Variants in SLC18A3 observed in about 807,000 individuals in gnomAD.
The protein encoded by SLC18A3 is vesicular acetylcholine transporter.
SLC18A3 carries 18 observed loss-of-function variants against 24.2 expected under a neutral mutation model. The ratio of observed to expected loss-of-function variants is 0.74; its 90% CI spans 0.51 to 1.10. SLC18A3 has a LOEUF of 1.10. Among genes scored for constraint, SLC18A3 ranks in the 50% least tolerant of loss-of-function variants. The probability of loss-of-function intolerance (pLI) is 0.00; values close to 1 mark genes in which losing one functional copy is unlikely to be tolerated. For synonymous variants in SLC18A3, 415 were observed against 355.4 expected (o/e 1.17, Z -1.89); for missense variants, 744 against 750.7 (o/e 0.99, Z 0.10).
At position 49,610,806 on chromosome 10, in the gene SLC18A3, C is replaced by G. The variant is rs1326749783; in HGVS notation, c.66C>G (p.Gly22=). Residue 22 remains glycine (G), a synonymous_variant, in exon 1 of 1, where the codon GGC becomes GGG. Coordinates refer to ENST00000374115, the MANE Select transcript of SLC18A3 (RefSeq NM_003055.3). ...AAATKLSEAV[G]AALQEPRRQR... is the part of the protein sequence containing the mutation. The stretch of plus-strand genomic sequence containing the variant: ...CCACCAAGCTGTCGGAGGCTGTGGG[C>G]GCGGCGCTGCAGGAGCCCCGGCGGC... 2 of 1,593,816 alleles carry G rather than the reference C, an allele frequency of 1.3e-6. No homozygotes were observed. The highest frequency in any genetic ancestry group is 2.3e-5 in the South Asian group (2 of 88,408).
At position 49,610,609 on chromosome 10, in the gene SLC18A3, C is replaced by G. The variant is rs1013910708; in HGVS notation, c.-132C>G. 2 of 864,606 alleles carry G rather than the reference C, an allele frequency of 2.3e-6. No individual in the cohort carries two copies. Among genetic ancestry groups the G allele is most frequent in the Admixed American group, 3.5e-5 (1 of 28,372 alleles). 53.6% of individuals were successfully genotyped at this position (864,606 alleles called of 1,614,324 possible). On this transcript the variant is annotated 5_prime_UTR_variant, in exon 1 of 1. Transcript: ENST00000374115. ...GGACGCTGGGCCATGAGCTCCGCGG[C>G]CACCTGAGGCACAGGGGAGTCTGCT...
rs8187729 is a variant in SLC18A3, at chr10:49,611,667, A to G, written c.927A>G (p.Glu309=). The change falls in exon 1 of 1, where the codon GAA becomes GAG. Residue 309 remains glutamate (E), a synonymous_variant. Transcript: ENST00000374115. ...GTAACATTCCCCTCGCCTTCCTCGA[A>G]CCCACCATTGCCACGTGGATGAAGC... is the stretch of plus-strand genomic sequence containing the variant. ...TTCNIPLAFL[E]PTIATWMKHT... is the part of the protein sequence containing the mutation. 910 of 1,611,448 alleles carry G rather than the reference A, an allele frequency of 5.6e-4. 3 individuals are homozygous for G. The African/African-American group carries it at 0.011, about 20-fold the overall frequency.
At position 49,612,289 on chromosome 10, in the gene SLC18A3, C is replaced by A; in HGVS notation, c.1549C>A (p.Pro517Thr). ...QDGEPRSPPGPFDACEDDYNY... is the reference protein window; with the variant it reads ...QDGEPRSPPGTFDACEDDYNY... ...CGGCGAGCCTCGCAGCCCGCCTGGC[C>A]CTTTTGATGCGTGCGAGGACGACTA... is the stretch of plus-strand genomic sequence containing the variant. The change falls in exon 1 of 1, where the codon CCT (proline) becomes ACT (threonine). Residue 517 changes from proline to threonine, a missense_variant. By Grantham distance (38) the Pro-to-Thr change is conservative. Coordinates refer to ENST00000374115, the MANE Select transcript of SLC18A3 (RefSeq NM_003055.3). The A allele has an allele frequency of 6.2e-7, 1 of 1,612,156 alleles. No homozygotes were observed.
Position 49,610,807 on chromosome 10 carries a change from G to T in SLC18A3, c.67G>T (p.Ala23Ser), listed in dbSNP as rs781190076. The T allele has an allele frequency of 1.9e-6, 3 of 1,595,094 alleles. No homozygotes were observed. The highest frequency in any genetic ancestry group is 2.6e-6 in the Non-Finnish European group (3 of 1,171,412). The change falls in exon 1 of 1, where the codon GCG becomes TCG. Residue 23 changes from alanine to serine, a missense_variant. Around this residue, in one of 3 missense-constraint regions of SLC18A3, gnomAD observed 566 missense variants for 566.2 expected, o/e 1.00. Transcript: ENST00000374115. The part of the protein sequence containing the change: ...AATKLSEAVG[A>S]ALQEPRRQRR... ...CACCAAGCTGTCGGAGGCTGTGGGCGCGGCGCTGCAGGAGCCCCGGCGGCA... is the reference window on the plus strand; with the variant it reads ...CACCAAGCTGTCGGAGGCTGTGGGCTCGGCGCTGCAGGAGCCCCGGCGGCA...
In SLC18A3 at chr10:49,611,998, G is replaced by A. The variant is rs1270138469; in HGVS notation, c.1258G>A (p.Val420Ile). 2 of 1,613,632 alleles carry A rather than the reference G, an allele frequency of 1.2e-6. No homozygotes were observed. The highest frequency in any genetic ancestry group is 1.7e-6 in the Non-Finnish European group (2 of 1,180,012). ...GCGCCATGTCTCAGTCTATGGCAGC[G>A]TCTACGCCATCGCCGACATCTCCTA... ...DVRHVSVYGS[V>I]YAIADISYSV... Residue 420 changes from valine (V) to isoleucine (I), a missense_variant, in exon 1 of 1, where the codon GTC becomes ATC. Physicochemically the swap from Val to Ile is conservative, Grantham distance 29. Coordinates refer to ENST00000374115, the MANE Select transcript of SLC18A3 (RefSeq NM_003055.3).
chr10:49,612,497 G>A lies in SLC18A3; in HGVS notation c.*158G>A, dbSNP rs183393091. 9.6e-4 allele frequency: 673 copies of A among 700,998 alleles called. 4 individuals carry two copies. In the African/African-American group the frequency reaches 0.011, roughly 12 times the overall value. 43.4% of individuals were successfully genotyped at this position (700,998 alleles called of 1,614,324 possible). ...TGCCCAAATCCCCTCCCTGTGACCC[G>A]TTCCATATCCCTTTCTCTCTTGTCC... On this transcript the variant is annotated 3_prime_UTR_variant, in exon 1 of 1. Transcript: ENST00000374115.
rs1838309883 is a variant in SLC18A3 at position 49,611,946 on chromosome 10, G to T, written c.1206G>T (p.Leu402=). ...TAGCCCTAGTCGACACAGCACTGCT[G>T]CCCACGCTCGCCTTCCTGGTGGACG... The part of the protein sequence containing the change: ...FGIALVDTAL[L]PTLAFLVDVR... Residue 402 remains leucine (L), a synonymous_variant, in exon 1 of 1, where the codon CTG becomes CTT. Coordinates refer to ENST00000374115, the MANE Select transcript of SLC18A3 (RefSeq NM_003055.3). The T allele has an allele frequency of 6.2e-7, 1 of 1,612,436 alleles. No homozygotes were observed. The highest frequency in any genetic ancestry group is 1.7e-5 in the Admixed American group (1 of 59,984).
Position 49,611,115 on chromosome 10 carries a change from G to A in SLC18A3, c.375G>A (p.Gly125=), listed in dbSNP as rs1425771056. 3.1e-6 allele frequency: 5 copies of A among 1,614,150 alleles called. No homozygotes were observed. The highest frequency in any genetic ancestry group is 4.2e-6 in the Non-Finnish European group (5 of 1,179,986). The part of the protein sequence containing the change: ...YPTESEDVKI[G]VLFASKAILQ... The stretch of plus-strand genomic sequence containing the variant: ...CGGAGAGCGAAGACGTGAAGATCGG[G>A]GTGCTGTTTGCTTCCAAGGCTATCC... Residue 125 remains glycine, a synonymous_variant, in exon 1 of 1, where the codon GGG becomes GGA. Coordinates refer to ENST00000374115, the MANE Select transcript of SLC18A3 (RefSeq NM_003055.3).
At position 49,611,390 on chromosome 10, in the gene SLC18A3, C is replaced by G; in HGVS notation, c.650C>G (p.Ala217Gly). ...EPERSRALGV[A>G]LAFISFGSLV... The stretch of plus-strand genomic sequence containing the variant: ...GAGCGCAGTCGTGCACTGGGCGTGG[C>G]GCTGGCCTTCATTAGCTTCGGAAGC... Residue 217 changes from alanine to glycine, a missense_variant, in exon 1 of 1, where the codon GCG becomes GGG. Transcript: ENST00000374115. The G allele has an allele frequency of 6.3e-7, 1 of 1,598,856 alleles. No homozygotes were observed. Among genetic ancestry groups the G allele is most frequent in the South Asian group, 1.1e-5 (1 of 90,882 alleles).
In SLC18A3 at chr10:49,611,018, A is replaced by G; in HGVS notation, c.278A>G (p.Tyr93Cys). ...PLPTPANASA[Y>C]TANTSASPTA... is the part of the protein sequence containing the mutation. ...CCCACTCCGGCCAATGCCAGCGCCT[A>G]CACGGCCAACACCTCGGCGTCCCCG... The change falls in exon 1 of 1, where the codon TAC becomes TGC. Residue 93 changes from tyrosine (Y) to cysteine (C), a missense_variant. Transcript: ENST00000374115. The G allele has an allele frequency of 6.2e-7, 1 of 1,613,822 alleles. No individual in the cohort carries two copies. Among genetic ancestry groups the G allele is most frequent in the Non-Finnish European group, 8.5e-7 (1 of 1,179,858 alleles).
At position 49,612,264 on chromosome 10, in the gene SLC18A3, C is replaced by T. The variant is rs767148999; in HGVS notation, c.1524C>T (p.Asp508=). Residue 508 remains aspartate, a synonymous_variant, in exon 1 of 1, where the codon GAC becomes GAT. Transcript: ENST00000374115. ...RLRERPVSGQ[D]GEPRSPPGPF... Reference sequence around the variant, plus strand: ...GTGAGCGTCCTGTGTCTGGCCAGGACGGCGAGCCTCGCAGCCCGCCTGGCC... The same window carrying T: ...GTGAGCGTCCTGTGTCTGGCCAGGATGGCGAGCCTCGCAGCCCGCCTGGCC... 3 of 1,610,384 alleles carry T rather than the reference C, an allele frequency of 1.9e-6. No individual in the cohort carries two copies. Among genetic ancestry groups the T allele is most frequent in the Non-Finnish European group, 1.7e-6 (2 of 1,179,894 alleles).
At position 49,610,954 on chromosome 10, in the gene SLC18A3, A is replaced by G. The variant is rs1838277295; in HGVS notation, c.214A>G (p.Thr72Ala). 3 of 1,610,592 alleles carry G rather than the reference A, an allele frequency of 1.9e-6. No individual in the cohort carries two copies. Among genetic ancestry groups the G allele is most frequent in the Non-Finnish European group, 2.5e-6 (3 of 1,177,978 alleles). ...AHMRGGGEGP[T>A]RTPEVWEPTL... ...CATGCGCGGGGGCGGCGAGGGCCCC[A>G]CCCGGACTCCCGAGGTGTGGGAGCC... Residue 72 changes from threonine (T) to alanine (A), a missense_variant, in exon 1 of 1, where the codon ACC (threonine) becomes GCC (alanine). Thr to Ala is a moderately conservative substitution (Grantham distance 58, BLOSUM62 0). Transcript: ENST00000374115.
In SLC18A3 at chr10:49,611,900, T is replaced by C; in HGVS notation, c.1160T>C (p.Leu387Pro). The C allele has an allele frequency of 6.2e-7, 1 of 1,611,608 alleles. No individual in the cohort carries two copies. The highest frequency in any genetic ancestry group is 8.5e-7 in the Non-Finnish European group (1 of 1,179,874). The change falls in exon 1 of 1, where the codon CTA becomes CCA. Residue 387 changes from leucine (L) to proline (P), a missense_variant. By Grantham distance (98) the Leu-to-Pro change is moderately conservative. This residue lies in a region of SLC18A3 where 566 missense variants were observed against 566.2 expected (regional missense o/e 1.00). Transcript: ENST00000374115. ...TCCTTCGCGCCGCTAGTGGTCTCAC[T>C]ATGCGGCCTCTGTTTTGGCATAGCC... Reference protein sequence around the residue: ...CRSFAPLVVSLCGLCFGIALV... With the variant: ...CRSFAPLVVSPCGLCFGIALV...
Position 49,612,156 on chromosome 10 carries a change from G to T in SLC18A3, c.1416G>T (p.Val472=), listed in dbSNP as rs1336034969. ...CCGTCTTGCTGCTGCTCCGCAACGT[G>T]GGCCTCCTGACGCGCTCCCGTTCCG... ...YAPVLLLLRN[V]GLLTRSRSER... The change falls in exon 1 of 1, where the codon GTG becomes GTT. Residue 472 remains valine, a synonymous_variant. Transcript: ENST00000374115. The T allele has an allele frequency of 2.5e-6, 4 of 1,611,260 alleles. No individual in the cohort carries two copies. The highest frequency in any genetic ancestry group is 3.4e-6 in the Non-Finnish European group (4 of 1,179,804).
chr10:49,611,899 C>G lies in SLC18A3; in HGVS notation c.1159C>G (p.Leu387Val). 2.5e-6 allele frequency: 4 copies of G among 1,611,520 alleles called. No individual in the cohort carries two copies. In the South Asian group the frequency reaches 3.3e-5, roughly 13 times the overall value. ...CRSFAPLVVS[L>V]CGLCFGIALV... ...CTCCTTCGCGCCGCTAGTGGTCTCA[C>G]TATGCGGCCTCTGTTTTGGCATAGC... The change falls in exon 1 of 1, where the codon CTA (leucine) becomes GTA (valine). Residue 387 changes from leucine (L) to valine (V), a missense_variant. By Grantham distance (32) the Leu-to-Val change is conservative. Coordinates refer to ENST00000374115, the MANE Select transcript of SLC18A3 (RefSeq NM_003055.3).
At position 49,610,804 on chromosome 10, in the gene SLC18A3, G is replaced by C; in HGVS notation, c.64G>C (p.Gly22Arg). Reference sequence around the variant, plus strand: ...GGCCACCAAGCTGTCGGAGGCTGTGGGCGCGGCGCTGCAGGAGCCCCGGCG... The same window carrying C: ...GGCCACCAAGCTGTCGGAGGCTGTGCGCGCGGCGCTGCAGGAGCCCCGGCG... ...AAATKLSEAV[G>R]AALQEPRRQR... is the part of the protein sequence containing the mutation. Residue 22 changes from glycine to arginine, a missense_variant, in exon 1 of 1, where the codon GGC becomes CGC. Coordinates refer to ENST00000374115, the MANE Select transcript of SLC18A3 (RefSeq NM_003055.3). 6.3e-7 allele frequency: 1 copy of C among 1,593,942 alleles called. No homozygotes were observed. The highest frequency in any genetic ancestry group is 8.5e-7 in the Non-Finnish European group (1 of 1,170,826).
chr10:49,611,025 C>T lies in SLC18A3; in HGVS notation c.285C>T (p.Ala95=). 4 of 1,613,922 alleles carry T rather than the reference C, an allele frequency of 2.5e-6. No homozygotes were observed. The highest frequency in any genetic ancestry group is 3.4e-6 in the Non-Finnish European group (4 of 1,179,916). The change falls in exon 1 of 1, where the codon GCC becomes GCT. Residue 95 remains alanine, a synonymous_variant. Transcript: ENST00000374115. ...PTPANASAYT[A]NTSASPTAAW... ...CGGCCAATGCCAGCGCCTACACGGC[C>T]AACACCTCGGCGTCCCCGACAGCTG...
In SLC18A3 at chr10:49,611,834, C is replaced by T. The variant is rs1355998513; in HGVS notation, c.1094C>T (p.Ala365Val). Residue 365 changes from alanine (A) to valine (V), a missense_variant, in exon 1 of 1, where the codon GCT (alanine) becomes GTT (valine). Physicochemically the swap from Ala to Val is moderately conservative, Grantham distance 64. Transcript: ENST00000374115. ...TGGCTGTACGGCGCGCTTGGGCTGG[C>T]TGTGATCGGCGCCAGCTCGTGCATC... ...LQWLYGALGL[A>V]VIGASSCIVP... 11 of 1,604,234 alleles carry T rather than the reference C, an allele frequency of 6.9e-6. No individual in the cohort carries two copies. The Middle Eastern group carries it at 4.9e-4, about 72-fold the overall frequency.
In SLC18A3 at chr10:49,611,921, T is replaced by C. The variant is rs771643697; in HGVS notation, c.1181T>C (p.Ile394Thr). 2 of 1,612,508 alleles carry C rather than the reference T, an allele frequency of 1.2e-6. No individual in the cohort carries two copies. The highest frequency in any genetic ancestry group is 1.1e-5 in the South Asian group (1 of 91,068). ...VVSLCGLCFG[I>T]ALVDTALLPT... ...TCACTATGCGGCCTCTGTTTTGGCA[T>C]AGCCCTAGTCGACACAGCACTGCTG... The change falls in exon 1 of 1, where the codon ATA (isoleucine) becomes ACA (threonine). Residue 394 changes from isoleucine to threonine, a missense_variant. Transcript: ENST00000374115.
Sources: gnomAD v4.1 joint callset for allele counts on GRCh38, gnomAD v4.1.1 for gene constraint, gnomAD v4.1.1 regional missense constraint, MANE v1.5 for transcripts, NCBI Gene and HGNC (gene_info 2026-07-23, HGNC 2026-07-21) for gene names.